STS: variants seen among roughly 807,000 people sequenced by gnomAD.
STS encodes the protein steryl-sulfatase.
Under a neutral mutation model 26.8 loss-of-function variants are expected in STS, and 7 were observed. The ratio of observed to expected loss-of-function variants is 0.26; its 90% CI spans 0.15 to 0.49. The LOEUF (loss-of-function observed/expected upper bound fraction) is 0.49, where lower values mean the gene tolerates loss of function less well. Among genes scored for constraint, STS ranks in the 20% least tolerant of loss-of-function variants. The probability of loss-of-function intolerance (pLI) is 0.98; values close to 1 mark genes in which losing one functional copy is unlikely to be tolerated. For synonymous variants in STS, 199 were observed against 189.4 expected (o/e 1.05, Z -0.42); for missense variants, 434 against 465.6 (o/e 0.93, Z 0.63).
At chrX:7,154,163 C>T (rs751943438) in intron 1 of STS, among the ~76,000 whole-genome samples, 2 of 111,908 alleles carry the variant, frequency 1.8e-5, no homozygotes, top group Admixed American at 1.9e-4. Flanking sequence ...ACTGGCCCTG[C>T]CTGCTGAAGC....
At chrX:7,257,720 G>A in intron 5 of STS, 132 bp downstream of exon 5, 2 of 891,381 alleles carry the variant, frequency 2.2e-6, no homozygotes, top group Admixed American at 4.5e-5. Context: ...GGTACACTTT[G>A]CATAACTTTA....
chrX:7,217,918 G>A (rs1350918300), intron 2 of STS, among the ~76,000 whole-genome samples: 2 of 111,744 alleles, frequency 1.8e-5, no homozygotes, highest in Non-Finnish European at 1.9e-5. Context: ...AATCCCCAAT[G>A]TTCATTTTCT....
At chrX:7,251,573 A>G (rs1317488854) in intron 2 of STS, among the ~76,000 whole-genome samples, 1 of 111,586 alleles carries the variant, frequency 9.0e-6, no homozygotes, top group African/African-American at 3.3e-5. Context: ...GTGTCAGGAG[A>G]GAACAGATAG....
chrX:7,159,757 G>C (rs910453665), intron 1 of STS, among the ~76,000 whole-genome samples: 2 of 112,502 alleles, frequency 1.8e-5, no homozygotes, highest in Admixed American at 9.4e-5. Context: ...TTCCCTCTGA[G>C]TGATGTTAAA....
intron 3 of STS, among the ~76,000 whole-genome samples, chrX:7,253,580 A>C (rs1037223841): frequency 1.2e-3 from 139 of 112,122 alleles, no homozygotes; most frequent in African/African-American, 4.2e-3. Flanking sequence ...TGTGCATCAC[A>C]GTTCTTCTTT....
rs1445271999 is a variant in STS at position 7,324,940 on chromosome X, A to G, written c.1082-399A>G. 1.8e-5 allele frequency among the ~76,000 whole-genome samples: 2 copies of G among 111,546 alleles called. 1 individual carries two copies. Among genetic ancestry groups the G allele is most frequent in the Non-Finnish European group, 3.8e-5 (2 of 53,126 alleles). ...CAAAATACCCATTTCCCCAGGCTCCAGGCTCCAGGAATTTGGATGCGGACA... is the reference window on the plus strand; with the variant it reads ...CAAAATACCCATTTCCCCAGGCTCCGGGCTCCAGGAATTTGGATGCGGACA... On this transcript the variant is annotated intron_variant, in intron 8 of 10. Transcript: ENST00000674429.
chrX:7,170,886 C>A (rs763335552), intron 1 of STS, among the ~76,000 whole-genome samples: 8 of 111,722 alleles, frequency 7.2e-5, no homozygotes, highest in African/African-American at 2.6e-4. Flanking sequence ...ATTGATAACT[C>A]CAATGGATCT....
intron 1 of STS, among the ~76,000 whole-genome samples, chrX:7,151,077 C>T (rs745349085): frequency 8.9e-6 from 1 of 112,600 alleles, no homozygotes; most frequent in Non-Finnish European, 1.9e-5. Context: ...AACAGATGCT[C>T]TTCTTTCACA....
At chrX:7,281,022 C>G (rs1924831182) in intron 7 of STS, among the ~76,000 whole-genome samples, 1 of 111,819 alleles carries the variant, frequency 8.9e-6, no homozygotes, top group Non-Finnish European at 1.9e-5. Context: ...AAAACTTAGC[C>G]AGGCATGGTG....
intron 7 of STS, among the ~76,000 whole-genome samples, chrX:7,302,869 G>A (rs951448089): frequency 9.0e-6 from 1 of 111,374 alleles, no homozygotes; most frequent in Admixed American, 9.6e-5. Flanking sequence ...GGATGCCTGC[G>A]GCCATTGTAG....
intron 7 of STS, among the ~76,000 whole-genome samples, chrX:7,295,543 C>G (rs1023369721): frequency 1.8e-5 from 2 of 110,964 alleles, no homozygotes; most frequent in African/African-American, 6.6e-5. Context: ...GAGAAAACGT[C>G]TATAATGGAA....
At position 7,325,412 on chromosome X, in the gene STS, T is replaced by G. The variant is rs771271960; in HGVS notation, c.1155T>G (p.Ala385=). The change falls in exon 9 of 11, where the codon GCT becomes GCG. Residue 385 remains alanine, a synonymous_variant. Transcript: ENST00000674429. ...TTCGTTGGCCCAGGGTGATACAGGC[T>G]GGCCAGAAGATTGATGAGCCCACTA... is the stretch of plus-strand genomic sequence containing the variant. ...GILRWPRVIQ[A]GQKIDEPTSN... is the part of the protein sequence containing the mutation. The G allele has an allele frequency of 8.3e-7, 1 of 1,211,501 alleles. No individual in the cohort carries two copies. Among genetic ancestry groups the G allele is most frequent in the African/African-American group, 1.7e-5 (1 of 57,773 alleles).
Position 7,350,383 on chromosome X carries a change from A to G in STS, c.*122A>G, listed in dbSNP as rs774024994. 1.9e-5 allele frequency: 19 copies of G among 995,971 alleles called. No individual in the cohort carries two copies. The South Asian group carries it at 3.5e-4, about 18-fold the overall frequency. 82.1% of individuals were successfully genotyped at this position (995,971 alleles called of 1,213,427 possible). On this transcript the variant is annotated 3_prime_UTR_variant, in exon 11 of 11. Coordinates refer to ENST00000674429, the MANE Select transcript of STS (RefSeq NM_001320752.2). ...CACCTTGGATTTGGACTGATTCTCC[A>G]TTTTATCACCTGAAGGCTTGGGCCA...
chrX:7,324,363 T>G (rs894623338), intron 8 of STS, among the ~76,000 whole-genome samples: 2 of 110,852 alleles, frequency 1.8e-5, no homozygotes, highest in South Asian at 7.8e-4. Flanking sequence ...GAGAACAGAT[T>G]GTACGTGTTT....
intron 10 of STS, among the ~76,000 whole-genome samples, chrX:7,338,931 G>A (rs1928157565): frequency 1.8e-5 from 2 of 111,498 alleles, no homozygotes; most frequent in African/African-American, 6.5e-5. Context: ...TAGGGTAATG[G>A]AATTCATTCC....
In STS at chrX:7,302,506, G is replaced by A. The variant is rs764038589; in HGVS notation, c.944-2540G>A. Among the ~76,000 whole-genome samples, 5 of 111,493 alleles carry A rather than the reference G, an allele frequency of 4.5e-5. No individual in the cohort carries two copies. The South Asian group carries it at 1.9e-3, about 42-fold the overall frequency. On this transcript the variant is annotated intron_variant, in intron 7 of 10. Coordinates refer to ENST00000674429, the MANE Select transcript of STS (RefSeq NM_001320752.2). Reference sequence around the variant, plus strand: ...AGACAAATTGCTAAAATGGCCCTCGGGTGTCTTATTTTTTGGTTCTGAGTA... The same window carrying A: ...AGACAAATTGCTAAAATGGCCCTCGAGTGTCTTATTTTTTGGTTCTGAGTA...
At position 7,230,149 on chromosome X, in the gene STS, A is replaced by G. The variant is rs779837952; in HGVS notation, c.-4-23047A>G. 4.5e-5 allele frequency among the ~76,000 whole-genome samples: 5 copies of G among 110,848 alleles called. 1 individual carries two copies. The East Asian group carries it at 1.1e-3, about 25-fold the overall frequency. ...GCAGTCCTCTCGCTTTGGCCCCCCA[A>G]AGTGCTGGGATTACAGACATGAGCC... On this transcript the variant is annotated intron_variant, in intron 2 of 10. Coordinates refer to ENST00000674429, the MANE Select transcript of STS (RefSeq NM_001320752.2).
At chrX:7,168,918 C>T (rs1350405544) in intron 1 of STS, among the ~76,000 whole-genome samples, 2 of 111,666 alleles carry the variant, frequency 1.8e-5, no homozygotes, top group Non-Finnish European at 3.8e-5. Flanking sequence ...CTAGTGATAT[C>T]AGAAGGCTTT....
chrX:7,323,547 C>G (rs781260744), intron 8 of STS, among the ~76,000 whole-genome samples: 3 of 111,507 alleles, frequency 2.7e-5, no homozygotes, highest in Non-Finnish European at 3.8e-5. Context: ...CTACAAAGGA[C>G]AATATTTTGT....
Sources: gnomAD v4.1 joint callset for allele counts (sites outside exome capture counted in the v4.1 genomes callset) on GRCh38, gnomAD v4.1.1 for gene constraint, MANE v1.5 for transcripts, NCBI Gene and HGNC (gene_info 2026-07-23, HGNC 2026-07-21) for gene names.